The following FAM131A variants were observed in gnomAD, a reference collection of about 807,000 sequenced individuals.
The protein encoded by FAM131A is protein FAM131A.
In FAM131A, 24 loss-of-function variants were observed where a neutral mutation model predicts 39.2. That is an observed-to-expected ratio of 0.61 (90% CI 0.44 to 0.86). The LOEUF (loss-of-function observed/expected upper bound fraction) is 0.86. Ranked by LOEUF, FAM131A falls within the 40% of genes least tolerant of loss-of-function variation. The pLI, the probability that FAM131A is intolerant of heterozygous loss-of-function variation, is 0.00. For synonymous variants in FAM131A, 202 were observed against 206.8 expected, an observed-to-expected ratio of 0.98 and a Z score of 0.20; for missense variants, 373 against 481.2, an observed-to-expected ratio of 0.78 and a Z score of 2.10.
rs541280483 is a variant in FAM131A at position 184,346,140 on chromosome 3, G to T, written c.*1170G>T. On this transcript the variant is annotated 3_prime_UTR_variant, in exon 6 of 6. Coordinates refer to ENST00000383847, the MANE Select transcript of FAM131A (RefSeq NM_144635.5). The surrounding 1 kb of genome is among the most constrained non-coding windows in gnomAD (Gnocchi z 6.0). ...ATTAAGGGCCTTGTAGGCTTTGGCA[G>T]GTAAGAGGGCCCAAGGTAAGAACGA... The T allele has an allele frequency of 8.3e-5, 16 of 191,798 alleles. No homozygotes were observed. Among genetic ancestry groups the T allele is most frequent in the African/African-American group, 3.5e-4 (15 of 42,484 alleles). The allele number at this position is 191,798 out of a possible 1,614,324, so 11.9% of individuals were successfully genotyped here. A position where few individuals can be genotyped will look rare whatever the true frequency, so the allele number is the denominator to read the frequency against.
At position 184,342,754 on chromosome 3, in the gene FAM131A, G is replaced by T. The variant is rs770060271; in HGVS notation, c.519G>T (p.Glu173Asp). 1.2e-6 allele frequency: 2 copies of T among 1,613,154 alleles called. No homozygotes were observed. The change falls in exon 5 of 6, where the codon GAG becomes GAT. Residue 173 changes from glutamate (E) to aspartate (D), a missense_variant. This residue lies in a region of FAM131A where 221 missense variants were observed against 347.7 expected (regional missense o/e 0.64). Transcript: ENST00000383847. The surrounding 1 kb of genome is among the most constrained non-coding windows in gnomAD (Gnocchi z 4.6). Reference sequence around the variant, plus strand: ...CTGTCCCTGCGACAGGAGTGGCTGAGCAGTTTGCCATCGCGGAAGCCAAGC... The same window carrying T: ...CTGTCCCTGCGACAGGAGTGGCTGATCAGTTTGCCATCGCGGAAGCCAAGC... ...QEARFAAGVAEQFAIAEAKLR... is the reference protein window; with the variant it reads ...QEARFAAGVADQFAIAEAKLR...
At position 184,342,998 on chromosome 3, in the gene FAM131A, CT is replaced by C; in HGVS notation, c.625+139del. 4.6e-6 allele frequency: 3 copies of C among 656,648 alleles called. No individual in the cohort carries two copies. The highest frequency in any genetic ancestry group is 5.3e-6 in the Non-Finnish European group (2 of 376,578). 40.7% of individuals were successfully genotyped at this position (656,648 alleles called of 1,614,324 possible). On this transcript the variant is annotated intron_variant, in intron 5 of 5. Coordinates refer to ENST00000383847, the MANE Select transcript of FAM131A (RefSeq NM_144635.5). The surrounding 1 kb of genome is among the most constrained non-coding windows in gnomAD (Gnocchi z 4.6). ...GACTCAGTCCAGGCAGGCCTGGACA[CT>C]CCAGGGACAGGAAGGCTGTCCACAC... is the stretch of plus-strand genomic sequence containing the variant.
intron 1 of FAM131A, 42 bp from the exon 2 acceptor site, chr3:184,338,345 G>T: frequency 7.1e-7 from 1 of 1,415,188 alleles, no homozygotes; most frequent in South Asian, 1.5e-5. Context: ...GATCTCTGCA[G>T]AAGTAGGGGC....
In FAM131A at chr3:184,345,907, T is replaced by C; in HGVS notation, c.*937T>C. On this transcript the variant is annotated 3_prime_UTR_variant, in exon 6 of 6. Transcript: ENST00000383847. Reference sequence around the variant, plus strand: ...TGCTGAGAGGCAGGAATTGTGCCAGTGAGTGACAGTCATGAGGGAGTGTCT... The same window carrying C: ...TGCTGAGAGGCAGGAATTGTGCCAGCGAGTGACAGTCATGAGGGAGTGTCT... 2.6e-6 allele frequency: 1 copy of C among 388,364 alleles called. No individual in the cohort carries two copies. The highest frequency in any genetic ancestry group is 4.6e-6 in the Non-Finnish European group (1 of 217,620). The allele number at this position is 388,364 out of a possible 1,614,324, so 24.1% of individuals were successfully genotyped here.
In FAM131A at chr3:184,342,585, C is replaced by T. The variant is rs984549018; in HGVS notation, c.509-159C>T. 2.0e-5 allele frequency among the ~76,000 whole-genome samples: 3 copies of T among 152,042 alleles called. No homozygotes were observed. The highest frequency in any genetic ancestry group is 4.8e-5 in the African/African-American group (2 of 41,384). Reference sequence around the variant, plus strand: ...CCTCCCAAAGTGCTGGGATTACAGGCATAAGCCACCACACCCGGCCAGGGC... The same window carrying T: ...CCTCCCAAAGTGCTGGGATTACAGGTATAAGCCACCACACCCGGCCAGGGC... On this transcript the variant is annotated intron_variant, in intron 4 of 5. Coordinates refer to ENST00000383847, the MANE Select transcript of FAM131A (RefSeq NM_144635.5). The surrounding 1 kb of genome is among the most constrained non-coding windows in gnomAD (Gnocchi z 4.6).
At position 184,345,035 on chromosome 3, in the gene FAM131A, C is replaced by A. The variant is rs977403458; in HGVS notation, c.*65C>A. On this transcript the variant is annotated 3_prime_UTR_variant, in exon 6 of 6. Coordinates refer to ENST00000383847, the MANE Select transcript of FAM131A (RefSeq NM_144635.5). Reference sequence around the variant, plus strand: ...CTGCCAGGGGCAGAGCCTCTGTGCCCAAGTGTGGGCTCAAGGCTCCCAGCA... The same window carrying A: ...CTGCCAGGGGCAGAGCCTCTGTGCCAAAGTGTGGGCTCAAGGCTCCCAGCA... The A allele has an allele frequency of 3.2e-5, 44 of 1,395,748 alleles. No individual in the cohort carries two copies. Among genetic ancestry groups the A allele is most frequent in the Non-Finnish European group, 4.1e-5 (43 of 1,056,548 alleles). 86.5% of individuals were successfully genotyped at this position (1,395,748 alleles called of 1,614,324 possible). A position where few individuals can be genotyped will look rare whatever the true frequency, so the allele number is the denominator to read the frequency against.
Position 184,337,730 on chromosome 3 carries a change from G to C in FAM131A, c.88+12G>C. The C allele has an allele frequency of 6.5e-7, 1 of 1,536,870 alleles. No individual in the cohort carries two copies. ...GACAAGTCGCAGAGGTGAGACCAGGGATCATGGATGTGATCTGGGAGATGA... is the reference window on the plus strand; with the variant it reads ...GACAAGTCGCAGAGGTGAGACCAGGCATCATGGATGTGATCTGGGAGATGA... On this transcript the variant is annotated intron_variant, in intron 1 of 5. Transcript: ENST00000383847.
At chr3:184,338,028 G>A (rs537744098) in intron 1 of FAM131A, among the ~76,000 whole-genome samples, 8 of 152,208 alleles carry the variant, frequency 5.3e-5, no homozygotes, top group Admixed American at 3.3e-4. Context: ...CCAGGGTGGC[G>A]GTGGTGGGGG....
At chr3:184,337,500 T>G (rs560898403), upstream of FAM131A, 1 of 777,680 alleles carries the variant, frequency 1.3e-6, no homozygotes, top group African/African-American at 1.7e-5. Flanking sequence ...AATGTTCTCC[T>G]TATGTGACTA....
At position 184,345,878 on chromosome 3, in the gene FAM131A, T is replaced by G; in HGVS notation, c.*908T>G. The stretch of plus-strand genomic sequence containing the variant: ...GGGGTGGCCGGGAGTTGTCAGCTGA[T>G]GCCTGCTGAGAGGCAGGAATTGTGC... On this transcript the variant is annotated 3_prime_UTR_variant, in exon 6 of 6. Transcript: ENST00000383847. 1.3e-5 allele frequency: 6 copies of G among 446,916 alleles called. No homozygotes were observed. The highest frequency in any genetic ancestry group is 7.9e-5 in the East Asian group (2 of 25,344). The allele number at this position is 446,916 out of a possible 1,614,324, so 27.7% of individuals were successfully genotyped here.
chr3:184,343,801 T>G (rs1727487302), intron 5 of FAM131A, among the ~76,000 whole-genome samples: 1 of 152,238 alleles, frequency 6.6e-6, no homozygotes, highest in East Asian at 1.9e-4. Context: ...TTGTGCAAAT[T>G]AGAAAAAGGC....
intron 2 of FAM131A, 38 bp downstream of exon 2, chr3:184,338,567 A>G (rs1484321881): frequency 1.3e-6 from 2 of 1,532,930 alleles, no homozygotes; most frequent in African/African-American, 1.4e-5. Flanking sequence ...GGAGGACGTC[A>G]TCCATATAAA....
At chr3:184,344,276 C>T (rs1727511241) in intron 5 of FAM131A, among the ~76,000 whole-genome samples, 1 of 152,204 alleles carries the variant, frequency 6.6e-6, no homozygotes, top group Admixed American at 6.5e-5. Flanking sequence ...TGAGCCACCG[C>T]ACCCACCTGT....
intron 5 of FAM131A, chr3:184,343,122 C>CACAAAAAAAAAAAAAAAAAAAAA (rs1727459189): frequency 9.5e-6 from 1 of 105,494 alleles, no homozygotes; most frequent in Non-Finnish European, 1.8e-5. Flanking sequence ...TTGCAGTCCT[C>CACAAAAAAAAAAAAAAAAAAAAA]AAAAAAAAAA....
At position 184,345,403 on chromosome 3, in the gene FAM131A, T is replaced by TC. The variant is rs1477709626; in HGVS notation, c.*435dup. On this transcript the variant is annotated 3_prime_UTR_variant, in exon 6 of 6. Coordinates refer to ENST00000383847, the MANE Select transcript of FAM131A (RefSeq NM_144635.5). ...CTCTGCTTTTCTTCTCACTTCCGAG[T>TC]CCATGTGCAGTGCTTGATAGAATCA... The TC allele has an allele frequency of 1.6e-6, 1 of 639,986 alleles. No individual in the cohort carries two copies. The highest frequency in any genetic ancestry group is 1.7e-5 in the South Asian group (1 of 57,854). 39.6% of individuals were successfully genotyped at this position (639,986 alleles called of 1,614,324 possible). A position where few individuals can be genotyped will look rare whatever the true frequency, so the allele number is the denominator to read the frequency against.
chr3:184,344,158 T>G (rs192585929), intron 5 of FAM131A, among the ~76,000 whole-genome samples: 4 of 152,286 alleles, frequency 2.6e-5, no homozygotes, highest in African/African-American at 9.6e-5. Context: ...GCTAATTTTG[T>G]GTTTTTAGTA....
At position 184,338,401 on chromosome 3, in the gene FAM131A, G is replaced by T. The variant is rs1296830294; in HGVS notation, c.103G>T (p.Ala35Ser). The T allele has an allele frequency of 4.1e-6, 6 of 1,465,900 alleles. No homozygotes were observed. The highest frequency in any genetic ancestry group is 4.5e-6 in the Non-Finnish European group (5 of 1,112,114). 90.8% of individuals were successfully genotyped at this position (1,465,900 alleles called of 1,614,324 possible). ...QTSRRVSSDP[A>S]WAVEWIELPR... Reference sequence around the variant, plus strand: ...CTTCCTCTCAGTGTCCTCGGACCCCGCTTGGGCTGTGGAGTGGATCGAACT... The same window carrying T: ...CTTCCTCTCAGTGTCCTCGGACCCCTCTTGGGCTGTGGAGTGGATCGAACT... The change falls in exon 2 of 6, where the codon GCT (alanine) becomes TCT (serine). Residue 35 changes from alanine to serine, a missense_variant. This residue lies in a region of FAM131A where 221 missense variants were observed against 347.7 expected (regional missense o/e 0.64). Transcript: ENST00000383847.
In FAM131A at chr3:184,338,501, C is replaced by T; in HGVS notation, c.203C>T (p.Ser68Phe). The change falls in exon 2 of 6, where the codon TCC becomes TTC. Residue 68 changes from serine to phenylalanine, a missense_variant. Coordinates refer to ENST00000383847, the MANE Select transcript of FAM131A (RefSeq NM_144635.5). Reference sequence around the variant, plus strand: ...GGCTGGAGCAGGTCCTCCCGCCCTTCCTCGGTGGACAGTCAGGACTTGCCA... The same window carrying T: ...GGCTGGAGCAGGTCCTCCCGCCCTTTCTCGGTGGACAGTCAGGACTTGCCA... The part of the protein sequence containing the change: ...LRGWSRSSRP[S>F]SVDSQDLPEV... 2.0e-6 allele frequency: 3 copies of T among 1,536,410 alleles called. No individual in the cohort carries two copies. The highest frequency in any genetic ancestry group is 2.6e-6 in the Non-Finnish European group (3 of 1,146,616).
Position 184,344,580 on chromosome 3 carries a change from C to T in FAM131A, c.711C>T (p.Ser237=), listed in dbSNP as rs553021007. Residue 237 remains serine (S), a synonymous_variant, in exon 6 of 6, where the codon TCC becomes TCT. Coordinates refer to ENST00000383847, the MANE Select transcript of FAM131A (RefSeq NM_144635.5). ...HRFSRPVRQG[S]VEPESDCSQT... ...TCTCCCGGCCTGTGCGCCAGGGCTC[C>T]GTGGAGCCTGAGAGCGACTGCTCAC... 2.0e-5 allele frequency: 33 copies of T among 1,610,652 alleles called. No homozygotes were observed. The highest frequency in any genetic ancestry group is 1.9e-4 in the South Asian group (17 of 90,826).
Sources: gnomAD v4.1 joint callset for allele counts (sites outside exome capture counted in the v4.1 genomes callset) on GRCh38, gnomAD v4.1.1 for gene constraint, gnomAD v4.1.1 regional missense constraint, Gnocchi (gnomAD v3.1) non-coding constraint, MANE v1.5 for transcripts, NCBI Gene and HGNC (gene_info 2026-07-23, HGNC 2026-07-21) for gene names.